The following ADAMTS7 variants were observed in gnomAD, a reference collection of about 807,000 sequenced individuals.
The protein encoded by ADAMTS7 is ADAM metallopeptidase with thrombospondin type 1 motif 7.
ADAMTS7 carries 89 observed loss-of-function variants against 172.6 expected under a neutral mutation model. The ratio of observed to expected loss-of-function variants is 0.52; its 90% CI spans 0.43 to 0.61. The LOEUF (loss-of-function observed/expected upper bound fraction) is 0.61, where lower values mean the gene tolerates loss of function less well. ADAMTS7 is among the 20% of genes least tolerant of loss of function. The probability of loss-of-function intolerance (pLI) is 0.00; values close to 1 mark genes in which losing one functional copy is unlikely to be tolerated. For synonymous variants in ADAMTS7, 885 were observed against 978.4 expected, an observed-to-expected ratio of 0.90 and a Z score of 1.78; for missense variants, 1,973 against 2,355.6, an observed-to-expected ratio of 0.84 and a Z score of 3.36.
chr15:78,782,948 A>G (rs1436284205), intron 8 of ADAMTS7, among the ~76,000 whole-genome samples: 11 of 152,016 alleles, frequency 7.2e-5, no homozygotes, highest in Non-Finnish European at 1.5e-5. Context: ...AATGGTAGAC[A>G]TACATGAAGG....
rs753437696 is a variant in ADAMTS7 at position 78,771,223 on chromosome 15, C to T, written c.2457G>A (p.Pro819=). The change falls in exon 16 of 24, where the codon CCG becomes CCA. Residue 819 remains proline, a synonymous_variant. Coordinates refer to ENST00000388820, the MANE Select transcript of ADAMTS7 (RefSeq NM_014272.5). The surrounding 1 kb of genome is among the most constrained non-coding windows in gnomAD (Gnocchi z 4.9). The part of the protein sequence containing the change: ...HREAGGHDEV[P]PPVFSWHYGP... ...CATAATGCCAGGAGAACACGGGCGG[C>T]GGGACCTCGTCGTGGCCACCTGCCT... 2.2e-5 allele frequency: 35 copies of T among 1,611,676 alleles called. 1 individual carries two copies. In the East Asian group the frequency reaches 2.2e-4, roughly 10 times the overall value.
At chr15:78,776,581 C>T (rs990526570) in intron 10 of ADAMTS7, 168 bp downstream of exon 10, 9 of 867,364 alleles carry the variant, frequency 1.0e-5, no homozygotes, top group Non-Finnish European at 1.6e-5. Flanking sequence ...GAATCAAGCC[C>T]TGGCCCCAAT....
intron 11 of ADAMTS7, 146 bp downstream of exon 11, chr15:78,776,042 C>T: frequency 8.7e-7 from 1 of 1,146,336 alleles, no homozygotes; most frequent in Non-Finnish European, 1.2e-6. Context: ...TTGAAAGTGA[C>T]TTAAGGTGGC....
rs3736119 is a variant in ADAMTS7 at position 78,764,202 on chromosome 15, C to T, written c.4420-103G>A. 814 of 1,399,062 alleles carry T rather than the reference C, an allele frequency of 5.8e-4. 9 individuals are homozygous for T. In the East Asian group the frequency reaches 0.018, roughly 31 times the overall value. 86.7% of individuals were successfully genotyped at this position (1,399,062 alleles called of 1,614,324 possible). ...AAAGGCATCCAGGCCCACGCCCCAG[C>T]CCGGGGGAATAGCTGAAGAACCCCA... On this transcript the variant is annotated intron_variant, in intron 20 of 23. Coordinates refer to ENST00000388820, the MANE Select transcript of ADAMTS7 (RefSeq NM_014272.5).
At chr15:78,804,544 G>A (rs536354028) in intron 1 of ADAMTS7, among the ~76,000 whole-genome samples, 53 of 152,336 alleles carry the variant, frequency 3.5e-4, no homozygotes, top group Admixed American at 2.4e-3. Context: ...TGCCCAGCCC[G>A]AAGCTCCATC....
At chr15:78,768,646 G>A (rs751942263) in intron 16 of ADAMTS7, among the ~76,000 whole-genome samples, 6 of 152,332 alleles carry the variant, frequency 3.9e-5, no homozygotes, top group Non-Finnish European at 8.8e-5. Flanking sequence ...GGAGGACTGC[G>A]TGTGTTCTTG....
chr15:78,806,089 AAAACAC>A (rs1567245503), intron 1 of ADAMTS7, among the ~76,000 whole-genome samples: 6 of 70,794 alleles, frequency 8.5e-5, no homozygotes, highest in South Asian at 1.1e-3. Context: ...CCCCCCCCCA[AAAACAC>A]ACACACACAC....
At chr15:78,783,412 G>A (rs12440925) in intron 8 of ADAMTS7, among the ~76,000 whole-genome samples, 34,604 of 151,696 alleles carry the variant, frequency 0.23, 4,160 homozygotes, top group South Asian at 0.36. Flanking sequence ...TGTGATTACA[G>A]GCACCAGCCA....
chr15:78,768,858 C>CT (rs2055202567), intron 16 of ADAMTS7, among the ~76,000 whole-genome samples: 2 of 135,480 alleles, frequency 1.5e-5, no homozygotes, highest in Non-Finnish European at 3.6e-5. Flanking sequence ...TGAGGGGTGA[C>CT]CGGGGCTGGG....
In ADAMTS7 at chr15:78,764,580, G is replaced by C. The variant is rs772232066; in HGVS notation, c.4394C>G (p.Thr1465Ser). The C allele has an allele frequency of 1.9e-6, 3 of 1,556,724 alleles. No homozygotes were observed. In the East Asian group the frequency reaches 7.0e-5, roughly 36 times the overall value. ...CTTACTCCAGTTGCCTGAGTGCCAG[G>C]TGGCACAGGGCCGCAGGTGGCAGCG... ...ARRCHLRPCATWHSGNWSKCS... is the reference protein window; with the variant it reads ...ARRCHLRPCASWHSGNWSKCS... Residue 1465 changes from threonine to serine, a missense_variant, in exon 20 of 24, where the codon ACC (threonine) becomes AGC (serine). This residue lies in a region of ADAMTS7 where 218 missense variants were observed against 216.9 expected (regional missense o/e 1.01). Transcript: ENST00000388820.
intron 19 of ADAMTS7, 107 bp downstream of exon 19, chr15:78,765,538 G>C: frequency 6.5e-7 from 1 of 1,539,140 alleles, no homozygotes; most frequent in Admixed American, 1.8e-5. Context: ...TGCCCCAAGA[G>C]AGGCTAGACA....
intron 3 of ADAMTS7, 65 bp from the exon 4 acceptor site, chr15:78,796,851 C>A: frequency 6.9e-7 from 1 of 1,442,626 alleles, no homozygotes; most frequent in Admixed American, 2.2e-5. Context: ...GTCTCCAGGG[C>A]CTCTCCTCAG....
chr15:78,788,433 C>G (rs1474374821), intron 7 of ADAMTS7, 59 bp from the exon 8 acceptor site: 18 of 1,588,868 alleles, frequency 1.1e-5, no homozygotes, highest in Non-Finnish European at 1.5e-5. Flanking sequence ...CCAGCCTGCC[C>G]TCCCCTGGAC....
rs753821536 is a variant in ADAMTS7 at position 78,767,366 on chromosome 15, A to G, written c.2859+13T>C. ...TGGAGCTGGAGGCGGGCCCCTTCCC[A>G]TCCCACACTCACCTGAGACCAGTTC... On this transcript the variant is annotated intron_variant, in intron 18 of 23. Coordinates refer to ENST00000388820, the MANE Select transcript of ADAMTS7 (RefSeq NM_014272.5). 1.1e-5 allele frequency: 18 copies of G among 1,611,086 alleles called. No homozygotes were observed. The highest frequency in any genetic ancestry group is 2.3e-4 in the Middle Eastern group (1 of 4,428).
intron 13 of ADAMTS7, among the ~76,000 whole-genome samples, 194 bp from the exon 14 acceptor site, chr15:78,773,397 G>C (rs1337665938): frequency 3.3e-5 from 5 of 151,662 alleles, no homozygotes; most frequent in Non-Finnish European, 7.4e-5. Context: ...AGTTTCCTCA[G>C]ATGTGAGACG....
chr15:78,785,546 C>CAAA (rs58203887), intron 8 of ADAMTS7, among the ~76,000 whole-genome samples: 1 of 124,656 alleles, frequency 8.0e-6, no homozygotes, highest in Admixed American at 8.0e-5. Context: ...GAGAGTCTCT[C>CAAA]AAAAAAAAAA....
intron 22 of ADAMTS7, 141 bp from the exon 23 acceptor site, chr15:78,762,706 T>A: frequency 3.4e-6 from 2 of 592,840 alleles, no homozygotes; most frequent in Non-Finnish European, 5.2e-6. Flanking sequence ...CAGTGCCTCC[T>A]GGAGCACCTG....
Position 78,764,092 on chromosome 15 carries a change from C to A in ADAMTS7, c.4427G>T (p.Arg1476Leu). Residue 1476 changes from arginine (R) to leucine (L), a missense_variant, in exon 21 of 24, where the codon CGC becomes CTC. Arg to Leu is a moderately radical substitution (Grantham distance 102, BLOSUM62 -2). Around this residue, in one of 8 missense-constraint regions of ADAMTS7, gnomAD observed 218 missense variants for 216.9 expected, o/e 1.01. Coordinates refer to ENST00000388820, the MANE Select transcript of ADAMTS7 (RefSeq NM_014272.5). ...WHSGNWSKCS[R>L]SCGGGSSVRD... ...CACTGAGGAACCTCCGCCGCAGCTG[C>A]GGGAGCACTGGGGACCGAGAGACGT... 6.6e-7 allele frequency: 1 copy of A among 1,525,896 alleles called. No individual in the cohort carries two copies. Among genetic ancestry groups the A allele is most frequent in the Non-Finnish European group, 8.8e-7 (1 of 1,132,876 alleles). The allele number at this position is 1,525,896 out of a possible 1,614,324, so 94.5% of individuals were successfully genotyped here.
At chr15:78,762,899 A>T (rs1332178498) in intron 22 of ADAMTS7, among the ~76,000 whole-genome samples, 1 of 152,222 alleles carries the variant, frequency 6.6e-6, no homozygotes, top group Non-Finnish European at 1.5e-5. Flanking sequence ...CTGATGCAGC[A>T]GTGGGCAGAG....
Sources: gnomAD v4.1 joint callset for allele counts (sites outside exome capture counted in the v4.1 genomes callset) on GRCh38, gnomAD v4.1.1 for gene constraint, gnomAD v4.1.1 regional missense constraint, Gnocchi (gnomAD v3.1) non-coding constraint, MANE v1.5 for transcripts, NCBI Gene and HGNC (gene_info 2026-07-23, HGNC 2026-07-21) for gene names.